Variants in ZC3H7B observed in about 807,000 individuals in gnomAD.
ZC3H7B encodes the protein zinc finger CCCH domain-containing protein 7B.
Under a neutral mutation model 116.0 loss-of-function variants are expected in ZC3H7B, and 35 were observed. That is an observed-to-expected ratio of 0.30 (90% CI 0.23 to 0.40). The LOEUF (loss-of-function observed/expected upper bound fraction) is 0.40. Among genes scored for constraint, ZC3H7B ranks in the 10% least tolerant of loss-of-function variants. The pLI, the probability that ZC3H7B is intolerant of heterozygous loss-of-function variation, is 1.00. For missense variants in ZC3H7B, 1,011 were observed against 1,321.5 expected, an observed-to-expected ratio of 0.77 and a Z score of 3.64; for synonymous variants, 502 against 545.6, an observed-to-expected ratio of 0.92 and a Z score of 1.11.
chr22:41,322,645 G>A (rs998580440), intron 2 of ZC3H7B, among the ~76,000 whole-genome samples: 3 of 152,026 alleles, frequency 2.0e-5, no homozygotes, highest in Non-Finnish European at 2.9e-5. Flanking sequence ...AGCCCCTTCC[G>A]AGGCCCTGGA....
chr22:41,355,312 C>T (rs2036699985), intron 17 of ZC3H7B, among the ~76,000 whole-genome samples, 157 bp from the exon 18 acceptor site: 1 of 152,180 alleles, frequency 6.6e-6, no homozygotes, highest in Non-Finnish European at 1.5e-5. Context: ...CCTGGGAAGC[C>T]CTTGGGCCTG....
At chr22:41,329,144 G>T (rs936550841) in intron 5 of ZC3H7B, among the ~76,000 whole-genome samples, 12 of 150,474 alleles carry the variant, frequency 8.0e-5, no homozygotes, top group South Asian at 2.1e-4. Flanking sequence ...GGCAAAGGTT[G>T]TAGTGAGCTG....
chr22:41,322,474 C>T (rs5758295), intron 2 of ZC3H7B, among the ~76,000 whole-genome samples: 12,709 of 152,250 alleles, frequency 0.083, 1,728 homozygotes, highest in East Asian at 0.45. Context: ...GTGTGAGCCA[C>T]CGCATCCAGC....
At chr22:41,323,796 C>T (rs890207831) in intron 2 of ZC3H7B, among the ~76,000 whole-genome samples, 6 of 152,162 alleles carry the variant, frequency 3.9e-5, no homozygotes, top group Admixed American at 6.5e-5. Context: ...TACGGCCGGG[C>T]GCGGTGGCTC....
intron 5 of ZC3H7B, among the ~76,000 whole-genome samples, chr22:41,329,031 C>CAAA (rs905189346): frequency 5.2e-4 from 21 of 40,476 alleles, no homozygotes; most frequent in East Asian, 1.9e-3. Context: ...TACTAAAATA[C>CAAA]AAAAAAAAAA....
chr22:41,357,445 G>A lies in ZC3H7B; in HGVS notation c.*16G>A, dbSNP rs754955731. The A allele has an allele frequency of 2.9e-5, 47 of 1,610,112 alleles. No individual in the cohort carries two copies. Among genetic ancestry groups the A allele is most frequent in the African/African-American group, 8.0e-5 (6 of 74,838 alleles). On this transcript the variant is annotated 3_prime_UTR_variant, in exon 23 of 23. Transcript: ENST00000352645. The surrounding 1 kb of genome is among the most constrained non-coding windows in gnomAD (Gnocchi z 5.4). The stretch of plus-strand genomic sequence containing the variant: ...TGGGGAGTAGGGCCAGGTGTTGGCC[G>A]TGGGTGAAGTCCTGGGGTCAGGGGG...
chr22:41,356,508 C>A, intron 21 of ZC3H7B, 32 bp downstream of exon 21: 1 of 1,613,122 alleles, frequency 6.2e-7, no homozygotes, highest in South Asian at 1.1e-5. Context: ...CTCGGGGCTG[C>A]GGTCGGGGCT....
chr22:41,359,562 A>G lies in ZC3H7B; in HGVS notation c.*2133A>G, dbSNP rs2036761947. 1 of 152,156 alleles carries G rather than the reference A, an allele frequency of 6.6e-6. No individual in the cohort carries two copies. The highest frequency in any genetic ancestry group is 1.5e-5 in the Non-Finnish European group (1 of 68,058). 9.4% of individuals were successfully genotyped at this position (152,156 alleles called of 1,614,324 possible). ...GACCACCCCCATCGAGTGCGGAGAGAGTGGGAGTGCTCAGGGAAAGAAGGT... is the reference window on the plus strand; with the variant it reads ...GACCACCCCCATCGAGTGCGGAGAGGGTGGGAGTGCTCAGGGAAAGAAGGT... On this transcript the variant is annotated 3_prime_UTR_variant, in exon 23 of 23. Coordinates refer to ENST00000352645, the MANE Select transcript of ZC3H7B (RefSeq NM_017590.6).
chr22:41,356,382 A>T lies in ZC3H7B; in HGVS notation c.2423A>T (p.Lys808Ile), dbSNP rs1303700452. Reference protein sequence around the residue: ...MQQTYDMWLKKHNPGKPGEGT... With the variant: ...MQQTYDMWLKIHNPGKPGEGT... ...CAGACCTATGACATGTGGCTGAAAA[A>T]ACACAACCCAGGAAAGCCTGGAGAA... Residue 808 changes from lysine (K) to isoleucine (I), a missense_variant, in exon 21 of 23, where the codon AAA becomes ATA. Lys to Ile is a moderately radical substitution (Grantham distance 102). Transcript: ENST00000352645. The T allele has an allele frequency of 1.9e-6, 3 of 1,613,926 alleles. No individual in the cohort carries two copies. Among genetic ancestry groups the T allele is most frequent in the Non-Finnish European group, 2.5e-6 (3 of 1,180,020 alleles).
chr22:41,322,360 G>T (rs140671619), intron 2 of ZC3H7B, among the ~76,000 whole-genome samples: 4 of 151,110 alleles, frequency 2.6e-5, no homozygotes, highest in Non-Finnish European at 4.4e-5. Context: ...GCTAATTTTC[G>T]TATTTTTAGT....
chr22:41,313,584 G>C (rs905105187), intron 1 of ZC3H7B, among the ~76,000 whole-genome samples: 2 of 152,142 alleles, frequency 1.3e-5, no homozygotes, highest in Non-Finnish European at 2.9e-5. Flanking sequence ...GCTCATTTTA[G>C]TACATGTTGC....
Position 41,342,588 on chromosome 22 carries a change from C to T in ZC3H7B, c.1257C>T (p.His419=), listed in dbSNP as rs749702362. The part of the protein sequence containing the change: ...LLIKNPLAAT[H]EFKQACQLCY... ...TCAAGAACCCCTTGGCTGCCACCCA[C>T]GAGTTCAAGCAGGCCTGCCAGCTCT... Residue 419 remains histidine, a synonymous_variant, in exon 12 of 23, where the codon CAC becomes CAT. Coordinates refer to ENST00000352645, the MANE Select transcript of ZC3H7B (RefSeq NM_017590.6). The T allele has an allele frequency of 3.8e-5, 61 of 1,613,210 alleles. No individual in the cohort carries two copies. The highest frequency in any genetic ancestry group is 1.7e-4 in the Admixed American group (10 of 60,008).
chr22:41,348,920 C>G (rs1461437563), intron 15 of ZC3H7B, among the ~76,000 whole-genome samples, 200 bp from the exon 16 acceptor site: 1 of 152,150 alleles, frequency 6.6e-6, no homozygotes, highest in Non-Finnish European at 1.5e-5. Flanking sequence ...AGGAGTAAAG[C>G]AGCGCTGGGA....
intron 1 of ZC3H7B, 84 bp from the exon 2 acceptor site, chr22:41,320,571 C>T: frequency 6.7e-7 from 1 of 1,496,710 alleles, no homozygotes; most frequent in Non-Finnish European, 9.3e-7. Context: ...TGAGAGCACC[C>T]AATCACAGGA....
At chr22:41,343,701 A>G (rs2036551544) in intron 13 of ZC3H7B, 125 bp downstream of exon 13, 1 of 1,330,444 alleles carries the variant, frequency 7.5e-7, no homozygotes, top group African/African-American at 1.5e-5. Context: ...ACGGGAGGAG[A>G]AAGCCACGGC....
chr22:41,343,658 G>A, intron 13 of ZC3H7B, 82 bp downstream of exon 13: 3 of 1,456,418 alleles, frequency 2.1e-6, no homozygotes, highest in Non-Finnish European at 2.7e-6. Context: ...CCCCATCACA[G>A]GTAGACAGAA....
At position 41,327,136 on chromosome 22, in the gene ZC3H7B, C is replaced by A. The variant is rs2036329215; in HGVS notation, c.286-70C>A. 3 of 1,580,124 alleles carry A rather than the reference C, an allele frequency of 1.9e-6. No homozygotes were observed. The highest frequency in any genetic ancestry group is 1.3e-5 in the African/African-American group (1 of 74,562). Reference sequence around the variant, plus strand: ...AGGGAAGCTGGTGTTCCTTCCTAGGCAGGGGCAGGAGGCCTGGGGGAGGGA... The same window carrying A: ...AGGGAAGCTGGTGTTCCTTCCTAGGAAGGGGCAGGAGGCCTGGGGGAGGGA... On this transcript the variant is annotated intron_variant, in intron 4 of 22. Transcript: ENST00000352645. The surrounding 1 kb of genome is among the most constrained non-coding windows in gnomAD (Gnocchi z 4.5).
chr22:41,303,915 G>A (rs975795152), intron 1 of ZC3H7B, among the ~76,000 whole-genome samples: 4 of 151,934 alleles, frequency 2.6e-5, no homozygotes, highest in African/African-American at 9.7e-5. Context: ...CCGCCACTAC[G>A]CCCAGCTAAT....
Position 41,349,436 on chromosome 22 carries a change from C to A in ZC3H7B, c.1948+135C>A. 8.4e-7 allele frequency: 1 copy of A among 1,186,078 alleles called. No homozygotes were observed. Among genetic ancestry groups the A allele is most frequent in the Non-Finnish European group, 1.2e-6 (1 of 855,772 alleles). The allele number at this position is 1,186,078 out of a possible 1,614,324, so 73.5% of individuals were successfully genotyped here. A position where few individuals can be genotyped will look rare whatever the true frequency, so the allele number is the denominator to read the frequency against. ...CGCTGGAGGGGGCTTCGGGAGAGTT[C>A]AGGAGAGGTGGCTGCGGGGTGGGCT... On this transcript the variant is annotated intron_variant, in intron 16 of 22. Coordinates refer to ENST00000352645, the MANE Select transcript of ZC3H7B (RefSeq NM_017590.6). This position sits in a 1 kb window ranked among gnomAD's most constrained non-coding sequence, Gnocchi z 4.9.
Sources: gnomAD v4.1 joint callset for allele counts (sites outside exome capture counted in the v4.1 genomes callset) on GRCh38, gnomAD v4.1.1 for gene constraint, Gnocchi (gnomAD v3.1) non-coding constraint, MANE v1.5 for transcripts, NCBI Gene and HGNC (gene_info 2026-07-23, HGNC 2026-07-21) for gene names.